Variants in VEPH1 observed in about 807,000 individuals in gnomAD.
The protein encoded by VEPH1 is ventricular zone-expressed PH domain-containing protein homolog 1.
Under a neutral mutation model 85.2 loss-of-function variants are expected in VEPH1, and 80 were observed. The ratio of observed to expected loss-of-function variants is 0.94; its 90% CI spans 0.78 to 1.13. The LOEUF (loss-of-function observed/expected upper bound fraction) is 1.13, where lower values mean the gene tolerates loss of function less well. Among genes scored for constraint, VEPH1 ranks in the 50% most tolerant of loss-of-function variants. The probability of loss-of-function intolerance (pLI) is 0.00; values close to 1 mark genes in which losing one functional copy is unlikely to be tolerated. For missense variants in VEPH1, 955 were observed against 980.5 expected (o/e 0.97, Z 0.35); for synonymous variants, 297 against 348.0 (o/e 0.85, Z 1.63).
At chr3:157,499,000 TC>T (rs1174282552) in intron 1 of VEPH1, among the ~76,000 whole-genome samples, 1 of 152,156 alleles carries the variant, frequency 6.6e-6, no homozygotes, top group African/African-American at 2.4e-5. Flanking sequence ...CTTTTAGTTC[TC>T]CCATCAACTC....
At chr3:157,399,679 CT>C (rs1238688199) in intron 6 of VEPH1, among the ~76,000 whole-genome samples, 3 of 151,898 alleles carry the variant, frequency 2.0e-5, no homozygotes, top group African/African-American at 7.3e-5. Flanking sequence ...CTATTTTAGC[CT>C]TAAAATATTA....
intron 9 of VEPH1, among the ~76,000 whole-genome samples, chr3:157,317,608 C>T (rs1178112796): frequency 6.6e-6 from 1 of 152,158 alleles, no homozygotes; most frequent in Non-Finnish European, 1.5e-5. Flanking sequence ...ATGCTGTTCT[C>T]TTGGTTGTGC....
intron 9 of VEPH1, among the ~76,000 whole-genome samples, chr3:157,340,090 C>T (rs961209337): frequency 3.3e-5 from 5 of 152,206 alleles, no homozygotes; most frequent in Admixed American, 6.5e-5. Flanking sequence ...CAGCTCCCAG[C>T]GTGAGCGACG....
chr3:157,278,834 T>C (rs994556135), intron 12 of VEPH1, among the ~76,000 whole-genome samples: 20 of 152,102 alleles, frequency 1.3e-4, no homozygotes, highest in African/African-American at 4.6e-4. Flanking sequence ...AGCTAAGGAA[T>C]GCTGGAAGAA....
Position 157,272,033 on chromosome 3 carries a change from C to T in VEPH1, c.2129-6371G>A, listed in dbSNP as rs192290885. Among the ~76,000 whole-genome samples the T allele has an allele frequency of 3.5e-3, 529 of 151,800 alleles. 2 individuals are homozygous for T. Among genetic ancestry groups the T allele is most frequent in the African/African-American group, 0.012 (500 of 41,468 alleles). ...GTCGTTTTAACATTATTAACTGAAA[C>T]AAAATAAGTGCCCTTTGCAGATTTT... On this transcript the variant is annotated intron_variant, in intron 12 of 13. Coordinates refer to ENST00000362010, the MANE Select transcript of VEPH1 (RefSeq NM_001167912.2).
In VEPH1 at chr3:157,317,085, G is replaced by A. The variant is rs1720829439; in HGVS notation, c.1852C>T (p.Gln618Ter). 3.1e-6 allele frequency: 5 copies of A among 1,613,172 alleles called. No individual in the cohort carries two copies. Among genetic ancestry groups the A allele is most frequent in the Non-Finnish European group, 4.2e-6 (5 of 1,179,530 alleles). ...LISQEPQPWI[Q>*]IMFLFQQSLF... is the part of the protein sequence containing the mutation. ...ACCTGCTGAAATAGAAACATGATCTGGATCCATGGCTGAGGTTCTTGGCTG... is the reference window on the plus strand; with the variant it reads ...ACCTGCTGAAATAGAAACATGATCTAGATCCATGGCTGAGGTTCTTGGCTG... Residue 618 changes from glutamine (Q) to a stop codon, truncating the protein, a stop_gained, in exon 10 of 14, where the codon CAG (glutamine) becomes TAG (stop). Transcript: ENST00000362010. LOFTEE classifies it high-confidence loss of function.
At chr3:157,306,828 A>G (rs1719562294) in intron 11 of VEPH1, among the ~76,000 whole-genome samples, 1 of 152,044 alleles carries the variant, frequency 6.6e-6, no homozygotes, top group Non-Finnish European at 1.5e-5. Context: ...TAAATAATGT[A>G]CACTGTACCC....
At chr3:157,442,868 TGAAGAGATAA>T (rs1179961441) in intron 4 of VEPH1, 3 of 1,614,114 alleles carry the variant, frequency 1.9e-6, no homozygotes, top group Non-Finnish European at 2.5e-6. Flanking sequence ...TTCTTAGCAA[TGAAGAGATAA>T]GAGAGACCGG....
chr3:157,442,762 T>G, intron 4 of VEPH1: 6 of 1,614,214 alleles, frequency 3.7e-6, no homozygotes, highest in Non-Finnish European at 5.1e-6. Flanking sequence ...ATCCTGCAGA[T>G]TGGCCAAGAA....
At chr3:157,378,649 A>G (rs1445635598) in intron 7 of VEPH1, among the ~76,000 whole-genome samples, 1 of 152,144 alleles carries the variant, frequency 6.6e-6, no homozygotes, top group Non-Finnish European at 1.5e-5. Flanking sequence ...CATTGTGTTG[A>G]AAGAAAAGGA....
chr3:157,490,122 T>A (rs1347202589), intron 2 of VEPH1, among the ~76,000 whole-genome samples: 2 of 151,986 alleles, frequency 1.3e-5, no homozygotes, highest in African/African-American at 4.8e-5. Flanking sequence ...TACATAATGA[T>A]GTTAATTTTC....
rs575620881 is a variant in VEPH1, at chr3:157,493,145, C to T, written c.138+2067G>A. The T allele has an allele frequency of 7.1e-6, 3 of 424,124 alleles. No individual in the cohort carries two copies. In the East Asian group the frequency reaches 2.2e-4, roughly 31 times the overall value. The allele number at this position is 424,124 out of a possible 1,614,324, so 26.3% of individuals were successfully genotyped here. On this transcript the variant is annotated intron_variant, in intron 2 of 13. Coordinates refer to ENST00000362010, the MANE Select transcript of VEPH1 (RefSeq NM_001167912.2). ...TATGCAATGGAAAGGGACAATTTAC[C>T]AAAGGAAAATTGAGAAGCAGGTAAA...
intron 6 of VEPH1, 164 bp downstream of exon 6, chr3:157,413,717 T>A: frequency 1.1e-6 from 1 of 948,590 alleles, no homozygotes; most frequent in Non-Finnish European, 1.3e-6. Flanking sequence ...TTGTATGTCA[T>A]AGAACTCCCA....
intron 11 of VEPH1, among the ~76,000 whole-genome samples, chr3:157,295,879 T>G (rs1577266138): frequency 6.6e-6 from 1 of 152,128 alleles, no homozygotes; most frequent in Non-Finnish European, 1.5e-5. Flanking sequence ...CGCTTGAACC[T>G]GGGAGGCAGA....
At chr3:157,311,649 A>G (rs1490426911) in intron 11 of VEPH1, among the ~76,000 whole-genome samples, 2 of 152,234 alleles carry the variant, frequency 1.3e-5, no homozygotes, top group Admixed American at 1.3e-4. Flanking sequence ...AGCATGAAAC[A>G]CAAGAAATGT....
chr3:157,392,616 A>G (rs1729969021), intron 6 of VEPH1, among the ~76,000 whole-genome samples: 1 of 83,526 alleles, frequency 1.2e-5, no homozygotes, highest in African/African-American at 5.2e-5. Flanking sequence ...ATAGCTGATG[A>G]TCTAAAAAAA....
At chr3:157,438,031 G>T in intron 4 of VEPH1, 1 of 820,158 alleles carries the variant, frequency 1.2e-6, no homozygotes, top group Non-Finnish European at 1.8e-6. Context: ...GCGCGCGCGC[G>T]CGCGCGCACA....
intron 7 of VEPH1, among the ~76,000 whole-genome samples, chr3:157,367,525 T>C (rs1726845911): frequency 6.6e-6 from 1 of 152,356 alleles, no homozygotes; most frequent in Admixed American, 6.5e-5. Context: ...TCTGGTTCCA[T>C]GGAACCTAAT....
At chr3:157,423,663 C>T (rs557528109) in intron 5 of VEPH1, among the ~76,000 whole-genome samples, 3 of 152,262 alleles carry the variant, frequency 2.0e-5, no homozygotes, top group South Asian at 4.1e-4. Flanking sequence ...CTGTTTATGC[C>T]ATTTGCAAAG....
Sources: allele counts gnomAD v4.1 joint callset (sites outside exome capture counted in the v4.1 genomes callset), GRCh38; gene constraint gnomAD v4.1.1; transcripts MANE v1.5; gene names NCBI Gene and HGNC (gene_info 2026-07-23, HGNC 2026-07-21).